The following MGAT4C variants were observed in gnomAD, a reference collection of about 807,000 sequenced individuals.
MGAT4C encodes the protein MGAT4 family member C.
MGAT4C carries 19 observed loss-of-function variants against 40.1 expected under a neutral mutation model. The observed-to-expected ratio is 0.47, with a 90% CI of 0.33 to 0.70. The LOEUF is 0.70. Ranked by LOEUF, MGAT4C falls within the 30% of genes least tolerant of loss-of-function variation. The pLI, the probability that MGAT4C is intolerant of heterozygous loss-of-function variation, is 0.02. For missense variants in MGAT4C, 491 were observed against 563.2 expected (o/e 0.87, Z 1.30); for synonymous variants, 181 against 187.1 (o/e 0.97, Z 0.27).
At chr12:86,627,390 A>C (rs2136498474) in intron 2 of MGAT4C, among the ~76,000 whole-genome samples, 1 of 152,256 alleles carries the variant, frequency 6.6e-6, no homozygotes, top group South Asian at 2.1e-4. Context: ...ATGGTGTTTG[A>C]GCTCTGAGAA....
intron 3 of MGAT4C, among the ~76,000 whole-genome samples, chr12:86,410,447 T>C (rs1259083854): frequency 6.6e-6 from 1 of 152,184 alleles, no homozygotes; most frequent in Non-Finnish European, 1.5e-5. Context: ...CATCCATTTA[T>C]AGCCTCTCTG....
chr12:86,653,319 C>A (rs1381031335), intron 2 of MGAT4C, among the ~76,000 whole-genome samples: 1 of 151,786 alleles, frequency 6.6e-6, no homozygotes, highest in Non-Finnish European at 1.5e-5. Context: ...CTTCCGCTCA[C>A]CTCAAAAAGC....
At chr12:86,548,351 A>G (rs994835175) in intron 2 of MGAT4C, among the ~76,000 whole-genome samples, 1 of 152,132 alleles carries the variant, frequency 6.6e-6, no homozygotes, top group African/African-American at 2.4e-5. Flanking sequence ...TCCACAATAG[A>G]ATAATCTCTC....
At chr12:86,279,718 A>G (rs938123146) in intron 4 of MGAT4C, among the ~76,000 whole-genome samples, 1 of 151,002 alleles carries the variant, frequency 6.6e-6, no homozygotes, top group Non-Finnish European at 1.5e-5. Context: ...TTCTTTAATA[A>G]GAATTGTTGG....
chr12:86,640,218 T>C (rs189734486), intron 2 of MGAT4C, among the ~76,000 whole-genome samples: 22 of 151,968 alleles, frequency 1.4e-4, no homozygotes, highest in African/African-American at 5.1e-4. Context: ...ATAAGTATTT[T>C]ACATTCTAGG....
chr12:86,555,251 T>A (rs1431472166), intron 2 of MGAT4C, among the ~76,000 whole-genome samples: 3 of 152,144 alleles, frequency 2.0e-5, no homozygotes, highest in Admixed American at 6.6e-5. Flanking sequence ...TGTACCATTT[T>A]TCTGTATACC....
At chr12:86,103,109 A>G (rs1445402534) in intron 1 of MGAT4C, among the ~76,000 whole-genome samples, 1 of 152,102 alleles carries the variant, frequency 6.6e-6, no homozygotes, top group Non-Finnish European at 1.5e-5. Flanking sequence ...TTCTGATTGG[A>G]GATACAGCTG....
At chr12:86,585,682 A>C (rs974357891) in intron 2 of MGAT4C, among the ~76,000 whole-genome samples, 2 of 149,998 alleles carry the variant, frequency 1.3e-5, no homozygotes, top group Non-Finnish European at 3.0e-5. Context: ...TTAAGGCATC[A>C]TGAAGACTAT....
chr12:86,111,998 G>C (rs1415511312), intron 1 of MGAT4C, among the ~76,000 whole-genome samples: 1 of 151,808 alleles, frequency 6.6e-6, no homozygotes, highest in African/African-American at 2.4e-5. Flanking sequence ...GTATGTACAT[G>C]TGTATACTGT....
chr12:86,694,825 C>T lies in MGAT4C; in HGVS notation c.-229+32384G>A, dbSNP rs189001624. 2.6e-5 allele frequency among the ~76,000 whole-genome samples: 4 copies of T among 152,186 alleles called. No homozygotes were observed. In the East Asian group the frequency reaches 7.7e-4, roughly 29 times the overall value. ...GACTTTGAAACTACAACGAGAAAACCTCTGGGCAGCTCTCTGGAACATTGG... is the reference window on the plus strand; with the variant it reads ...GACTTTGAAACTACAACGAGAAAACTTCTGGGCAGCTCTCTGGAACATTGG... On this transcript the variant is annotated intron_variant, in intron 2 of 7. Transcript: ENST00000548651.
chr12:86,786,425 TC>T, intron 1 of MGAT4C, among the ~76,000 whole-genome samples: 1 of 152,186 alleles, frequency 6.6e-6, no homozygotes, highest in Middle Eastern at 3.4e-3. Flanking sequence ...AAATATTTTT[TC>T]TTTTTTTTGG....
rs143095955 is a variant in MGAT4C, at chr12:86,327,923, G to A, written c.-57+6142C>T. On this transcript the variant is annotated intron_variant, in intron 4 of 7. Coordinates refer to the MGAT4C transcript ENST00000548651. ...GCTTAAGGTTTATTTTTTTTCAAAC[G>A]TTTATTATTTACCTCTAGTCCAGAA... 6.1e-3 allele frequency among the ~76,000 whole-genome samples: 929 copies of A among 151,788 alleles called. 6 individuals are homozygous for A. The highest frequency in any genetic ancestry group is 0.022 in the African/African-American group (894 of 41,414).
At chr12:86,546,458 T>C (rs1001146856) in intron 2 of MGAT4C, among the ~76,000 whole-genome samples, 2 of 151,914 alleles carry the variant, frequency 1.3e-5, no homozygotes, top group Non-Finnish European at 2.9e-5. Context: ...AAAAACTTGG[T>C]AGGAAAAAAA....
chr12:86,624,932 C>T (rs1423755534), intron 2 of MGAT4C, among the ~76,000 whole-genome samples: 1 of 151,956 alleles, frequency 6.6e-6, no homozygotes, highest in African/African-American at 2.4e-5. Flanking sequence ...ACCCAAATCT[C>T]ATCTCAAATT....
At chr12:86,808,812 T>C (rs936465920) in intron 1 of MGAT4C, among the ~76,000 whole-genome samples, 11 of 151,998 alleles carry the variant, frequency 7.2e-5, no homozygotes, top group African/African-American at 1.9e-4. Context: ...AAAATTCCTC[T>C]TTTCAAATAG....
At chr12:86,589,792 C>A (rs956209895) in intron 2 of MGAT4C, among the ~76,000 whole-genome samples, 2 of 151,800 alleles carry the variant, frequency 1.3e-5, no homozygotes, top group African/African-American at 2.4e-5. Context: ...AAACAGAACC[C>A]AAGACAAAAA....
At chr12:86,092,195 T>C (rs1873006455) in intron 1 of MGAT4C, among the ~76,000 whole-genome samples, 1 of 152,126 alleles carries the variant, frequency 6.6e-6, no homozygotes, top group African/African-American at 2.4e-5. Flanking sequence ...TAGTGATGGT[T>C]AGCTACAAGC....
At chr12:86,456,410 C>G (rs935414903) in intron 2 of MGAT4C, among the ~76,000 whole-genome samples, 1 of 152,072 alleles carries the variant, frequency 6.6e-6, no homozygotes. Flanking sequence ...GGCAGCCTGG[C>G]ATTCAGATCT....
rs1882787281 is a variant in MGAT4C, at chr12:85,956,251, C to G, written c.*23038G>C. On this transcript the variant is annotated 3_prime_UTR_variant, in exon 5 of 5. Coordinates refer to ENST00000611864, the MANE Select transcript of MGAT4C (RefSeq NM_001351288.2). Reference sequence around the variant, plus strand: ...TTTTACTATGCAAACATGCAAGCATCAGATTTTTAATCAAACCAATTGGCT... The same window carrying G: ...TTTTACTATGCAAACATGCAAGCATGAGATTTTTAATCAAACCAATTGGCT... 1 of 152,156 alleles carries G rather than the reference C, an allele frequency of 6.6e-6. No homozygotes were observed. The highest frequency in any genetic ancestry group is 1.5e-5 in the Non-Finnish European group (1 of 68,016). 9.4% of individuals were successfully genotyped at this position (152,156 alleles called of 1,614,324 possible).
Sources: gnomAD v4.1 joint callset for allele counts (sites outside exome capture counted in the v4.1 genomes callset) on GRCh38, gnomAD v4.1.1 for gene constraint, MANE v1.5 for transcripts, NCBI Gene and HGNC (gene_info 2026-07-23, HGNC 2026-07-21) for gene names.